Variants in EML4 observed in about 807,000 individuals in gnomAD.
EML4 encodes the protein echinoderm microtubule-associated protein-like 4.
Under a neutral mutation model 129.0 loss-of-function variants are expected in EML4, and 72 were observed. The observed-to-expected ratio is 0.56, with a 90% CI of 0.46 to 0.68. The LOEUF is 0.68. EML4 is among the 30% of genes least tolerant of loss of function. The pLI is 0.00. For missense variants in EML4, 1,363 were observed against 1,190.6 expected, an observed-to-expected ratio of 1.14 and a Z score of -2.13; for synonymous variants, 532 against 405.0, an observed-to-expected ratio of 1.31 and a Z score of -3.77.
intron 1 of EML4, among the ~76,000 whole-genome samples, chr2:42,195,743 G>C (rs1422239733): frequency 5.3e-5 from 8 of 152,162 alleles, no homozygotes; most frequent in African/African-American, 1.9e-4. Context: ...GGTTCAAGAT[G>C]ACTCATTTTT....
At chr2:42,226,244 G>T (rs966989474) in intron 1 of EML4, among the ~76,000 whole-genome samples, 4 of 152,068 alleles carry the variant, frequency 2.6e-5, no homozygotes, top group African/African-American at 9.7e-5. Context: ...GTAATTCTTA[G>T]CCATGACACT....
rs1237219050 is a variant in EML4 at position 42,264,728 on chromosome 2, C to G, written c.664C>G (p.Gln222Glu). Residue 222 changes from glutamine (Q) to glutamate (E), a missense_variant, in exon 6 of 23, where the codon CAA becomes GAA. Gln to Glu is a conservative substitution (Grantham distance 29). Transcript: ENST00000318522. Reference sequence around the variant, plus strand: ...TAGGCATAAAGATGTCATCATCAACCAAGGTAAATTAAAAATCCTTTTAAA... The same window carrying G: ...TAGGCATAAAGATGTCATCATCAACGAAGGTAAATTAAAAATCCTTTTAAA... ...ADKHKDVIIN[Q>E]EGEYIKMFMR... 1.4e-6 allele frequency: 2 copies of G among 1,453,028 alleles called. No homozygotes were observed. Among genetic ancestry groups the G allele is most frequent in the Middle Eastern group, 1.8e-4 (1 of 5,668 alleles). The allele number at this position is 1,453,028 out of a possible 1,614,324, so 90.0% of individuals were successfully genotyped here.
rs117355714 is a variant in EML4 at position 42,225,774 on chromosome 2, G to A, written c.26-19731G>A. Reference sequence around the variant, plus strand: ...TTGCATTTTTCTATTGGATTGATGTGTTTTTTTATTGCTTTATAGGCAATA... The same window carrying A: ...TTGCATTTTTCTATTGGATTGATGTATTTTTTTATTGCTTTATAGGCAATA... On this transcript the variant is annotated intron_variant, in intron 1 of 22. Transcript: ENST00000318522. 1.5e-3 allele frequency among the ~76,000 whole-genome samples: 226 copies of A among 151,876 alleles called. 3 individuals carry two copies. In the East Asian group the frequency reaches 0.039, roughly 26 times the overall value.
chr2:42,293,959 T>A (rs1667804838), intron 11 of EML4, among the ~76,000 whole-genome samples: 1 of 152,336 alleles, frequency 6.6e-6, no homozygotes, highest in Non-Finnish European at 1.5e-5. Context: ...AGTTCTTTGC[T>A]AAGTTAAAAA....
At chr2:42,315,877 T>C (rs1319166750) in intron 17 of EML4, 85 bp from the exon 18 acceptor site, 6 of 979,278 alleles carry the variant, frequency 6.1e-6, no homozygotes, top group Non-Finnish European at 9.5e-6. Flanking sequence ...CAAGACTCCA[T>C]CTCAAAAAAA....
At chr2:42,315,428 A>G (rs113584078) in intron 17 of EML4, among the ~76,000 whole-genome samples, 1,826 of 152,368 alleles carry the variant, frequency 0.012, 20 homozygotes, top group Middle Eastern at 0.044. Flanking sequence ...ATGGCAGTCA[A>G]TGAATACCCA....
chr2:42,302,998 T>G, intron 14 of EML4, 106 bp from the exon 15 acceptor site: 1 of 1,169,654 alleles, frequency 8.5e-7, no homozygotes, highest in Non-Finnish European at 1.2e-6. Context: ...AAATTTGGGC[T>G]TTCGTCATAA....
chr2:42,221,744 T>C (rs1427930098), intron 1 of EML4, among the ~76,000 whole-genome samples: 1 of 151,838 alleles, frequency 6.6e-6, no homozygotes, highest in African/African-American at 2.4e-5. Context: ...GCTGGGATTA[T>C]AGGTGCCCAC....
chr2:42,272,505 A>G (rs1477344575), intron 6 of EML4, among the ~76,000 whole-genome samples: 3 of 151,458 alleles, frequency 2.0e-5, no homozygotes. Flanking sequence ...TTGGTCTCAA[A>G]CTCCTGACCT....
intron 1 of EML4, among the ~76,000 whole-genome samples, chr2:42,172,899 T>C (rs1216385455): frequency 6.6e-6 from 1 of 152,220 alleles, no homozygotes; most frequent in Non-Finnish European, 1.5e-5. Flanking sequence ...ATTTTAAGAC[T>C]TTTATCTTGG....
intron 1 of EML4, among the ~76,000 whole-genome samples, chr2:42,192,243 T>TGG (rs369627234): frequency 2.2e-4 from 32 of 145,126 alleles, no homozygotes; most frequent in African/African-American, 7.8e-4. Context: ...TTTTTTTTTT[T>TGG]GGGGGGGGGA....
intron 6 of EML4, among the ~76,000 whole-genome samples, chr2:42,279,526 T>G (rs1038188005): frequency 2.6e-5 from 4 of 152,068 alleles, no homozygotes; most frequent in Non-Finnish European, 2.9e-5. Context: ...GGCGCGATCT[T>G]GGCTCACTGC....
intron 1 of EML4, among the ~76,000 whole-genome samples, chr2:42,181,186 G>T (rs1203091697): frequency 1.3e-5 from 2 of 152,184 alleles, no homozygotes; most frequent in East Asian, 3.8e-4. Context: ...GCTGGTAGTT[G>T]ATAGCTATTT....
intron 1 of EML4, among the ~76,000 whole-genome samples, chr2:42,175,136 G>A (rs902504388): frequency 1.4e-4 from 18 of 127,764 alleles, no homozygotes; most frequent in South Asian, 7.7e-4. Context: ...TTTTTGAGAC[G>A]GAGTCTTGCT....
At chr2:42,211,297 G>C (rs538189735) in intron 1 of EML4, among the ~76,000 whole-genome samples, 1 of 152,160 alleles carries the variant, frequency 6.6e-6, no homozygotes, top group African/African-American at 2.4e-5. Flanking sequence ...GCTTATATGA[G>C]TTTAGGAAAG....
At chr2:42,207,278 A>G (rs1303655829) in intron 1 of EML4, among the ~76,000 whole-genome samples, 1 of 152,186 alleles carries the variant, frequency 6.6e-6, no homozygotes, top group African/African-American at 2.4e-5. Flanking sequence ...ATCTATGTAT[A>G]CACATACAAC....
At chr2:42,298,220 C>T (rs1668066130) in intron 13 of EML4, among the ~76,000 whole-genome samples, 1 of 152,172 alleles carries the variant, frequency 6.6e-6, no homozygotes, top group South Asian at 2.1e-4. Flanking sequence ...TTCAAAGTCT[C>T]CCTAATATTT....
intron 1 of EML4, among the ~76,000 whole-genome samples, chr2:42,231,507 T>G (rs1306903362): frequency 6.6e-6 from 1 of 152,222 alleles, no homozygotes; most frequent in Non-Finnish European, 1.5e-5. Flanking sequence ...CACACTGTTT[T>G]TTTTCCTTTG....
intron 1 of EML4, among the ~76,000 whole-genome samples, chr2:42,182,064 A>G (rs979128569): frequency 6.7e-6 from 1 of 150,120 alleles, no homozygotes; most frequent in Non-Finnish European, 1.5e-5. Flanking sequence ...ATTATGCTTA[A>G]TGTATTTATT....
Sources: gnomAD v4.1 joint callset for allele counts (sites outside exome capture counted in the v4.1 genomes callset) on GRCh38, gnomAD v4.1.1 for gene constraint, MANE v1.5 for transcripts, NCBI Gene and HGNC (gene_info 2026-07-23, HGNC 2026-07-21) for gene names.